The following MITF variants were observed in gnomAD, a reference collection of about 807,000 sequenced individuals.
MITF encodes the protein melanocyte inducing transcription factor, also known as microphthalmia-associated transcription factor.
Under a neutral mutation model 60.5 loss-of-function variants are expected in MITF, and 17 were observed. The ratio of observed to expected loss-of-function variants is 0.28; its 90% CI spans 0.19 to 0.42. The LOEUF is 0.42. Ranked by LOEUF, MITF falls within the 10% of genes least tolerant of loss-of-function variation. MITF has a pLI of 1.00. For missense variants in MITF, 622 were observed against 683.5 expected, an observed-to-expected ratio of 0.91 and a Z score of 1.00; for synonymous variants, 260 against 248.5, an observed-to-expected ratio of 1.05 and a Z score of -0.43.
intron 2 of MITF, among the ~76,000 whole-genome samples, chr3:69,913,991 T>C (rs1215409747): frequency 1.3e-5 from 2 of 152,240 alleles, no homozygotes; most frequent in African/African-American, 2.4e-5. Flanking sequence ...TCAGTAGAAG[T>C]TGTTTTCATG....
chr3:69,802,417 A>G (rs2106955807), intron 1 of MITF, among the ~76,000 whole-genome samples: 1 of 152,268 alleles, frequency 6.6e-6, no homozygotes, highest in Non-Finnish European at 1.5e-5. Context: ...AAGCTATTCC[A>G]TTCCTTCATG....
At chr3:69,839,241 A>G (rs1168644162) in intron 1 of MITF, among the ~76,000 whole-genome samples, 1 of 152,120 alleles carries the variant, frequency 6.6e-6, no homozygotes, top group African/African-American at 2.4e-5. Context: ...CTTGAAAAAA[A>G]AAGTGAAGAT....
At chr3:69,961,108 G>A (rs1173682960) in intron 9 of MITF, among the ~76,000 whole-genome samples, 2 of 152,296 alleles carry the variant, frequency 1.3e-5, no homozygotes, top group Middle Eastern at 3.4e-3. Flanking sequence ...CTTGTGGGCC[G>A]GGCACGTGGC....
intron 1 of MITF, among the ~76,000 whole-genome samples, chr3:69,836,210 A>G (rs1443322520): frequency 6.6e-6 from 1 of 152,024 alleles, no homozygotes; most frequent in Non-Finnish European, 1.5e-5. Context: ...GTTTATTCCT[A>G]TATAGCTTAT....
At chr3:69,814,468 A>G (rs1189067892) in intron 1 of MITF, among the ~76,000 whole-genome samples, 1 of 152,052 alleles carries the variant, frequency 6.6e-6, no homozygotes, top group Non-Finnish European at 1.5e-5. Context: ...AGCTCGAACT[A>G]CAGATGCCCA....
chr3:69,887,374 A>G (rs2064645091), intron 2 of MITF, among the ~76,000 whole-genome samples: 1 of 152,100 alleles, frequency 6.6e-6, no homozygotes, highest in Non-Finnish European at 1.5e-5. Context: ...TGTGTTAAAA[A>G]TATGTAAATC....
At chr3:69,799,903 A>T (rs928486909) in intron 1 of MITF, among the ~76,000 whole-genome samples, 2 of 152,194 alleles carry the variant, frequency 1.3e-5, no homozygotes, top group Non-Finnish European at 2.9e-5. Context: ...AGACATCTAT[A>T]AATTTAGTGT....
intron 1 of MITF, among the ~76,000 whole-genome samples, chr3:69,795,949 G>C (rs1287620194): frequency 6.6e-6 from 1 of 152,078 alleles, no homozygotes; most frequent in African/African-American, 2.4e-5. Context: ...CAAATCCACT[G>C]TTATGAAGCA....
At chr3:69,853,534 G>T (rs1378576074) in intron 1 of MITF, among the ~76,000 whole-genome samples, 1 of 151,900 alleles carries the variant, frequency 6.6e-6, no homozygotes, top group South Asian at 2.1e-4. Flanking sequence ...GAATAACCAT[G>T]TGCCCACCAT....
At chr3:69,868,727 C>T (rs570624196) in intron 1 of MITF, among the ~76,000 whole-genome samples, 5 of 152,012 alleles carry the variant, frequency 3.3e-5, no homozygotes, top group Admixed American at 2.0e-4. Context: ...GATGAAATCC[C>T]GTCTCTACTA....
At chr3:69,926,790 T>A (rs2065601540) in intron 2 of MITF, among the ~76,000 whole-genome samples, 1 of 152,198 alleles carries the variant, frequency 6.6e-6, no homozygotes, top group African/African-American at 2.4e-5. Flanking sequence ...CTGTACAAGC[T>A]TGAATGTTAG....
intron 1 of MITF, among the ~76,000 whole-genome samples, chr3:69,872,014 A>C (rs1051574253): frequency 6.6e-6 from 1 of 152,220 alleles, no homozygotes; most frequent in Admixed American, 6.5e-5. Context: ...CAGAGTAAGC[A>C]AGAATTCTAG....
chr3:69,894,637 GAT>G (rs1172000158), intron 2 of MITF, among the ~76,000 whole-genome samples: 1 of 146,358 alleles, frequency 6.8e-6, no homozygotes, highest in Non-Finnish European at 1.5e-5. Flanking sequence ...AGTGAGCCAA[GAT>G]CATGCCATTG....
chr3:69,902,822 A>T (rs2065021669), intron 2 of MITF, among the ~76,000 whole-genome samples: 1 of 152,096 alleles, frequency 6.6e-6, no homozygotes, highest in Admixed American at 6.6e-5. Context: ...TATTTAGGGA[A>T]GTACCTCTGA....
At chr3:69,804,411 G>A (rs970799095) in intron 1 of MITF, among the ~76,000 whole-genome samples, 1 of 150,828 alleles carries the variant, frequency 6.6e-6, no homozygotes, top group Non-Finnish European at 1.5e-5. Context: ...GCACCCTTTC[G>A]GGGTTGAGGC....
intron 1 of MITF, among the ~76,000 whole-genome samples, chr3:69,798,649 C>T (rs554628360): frequency 3.8e-4 from 58 of 152,350 alleles, no homozygotes; most frequent in African/African-American, 1.3e-3. Flanking sequence ...AACCCTTCCC[C>T]CTCTGTTTCT....
At chr3:69,748,974 G>T (rs891290898) in intron 1 of MITF, among the ~76,000 whole-genome samples, 26 of 152,276 alleles carry the variant, frequency 1.7e-4, no homozygotes, top group South Asian at 2.1e-4. Flanking sequence ...ATTTACTTTG[G>T]TACCTTTACC....
At chr3:69,880,799 A>G (rs1575872333) in intron 2 of MITF, among the ~76,000 whole-genome samples, 1 of 152,180 alleles carries the variant, frequency 6.6e-6, no homozygotes, top group South Asian at 2.1e-4. Flanking sequence ...TAGTAACAAG[A>G]TGTGGAGAAA....
At chr3:69,951,093 CTT>C (rs527693480) in intron 6 of MITF, among the ~76,000 whole-genome samples, 11 of 108,908 alleles carry the variant, frequency 1.0e-4, no homozygotes, top group Non-Finnish European at 1.5e-4. Flanking sequence ...AATTTGGCAG[CTT>C]TTTTTTTTTT....
Sources: allele counts gnomAD v4.1 joint callset (sites outside exome capture counted in the v4.1 genomes callset), GRCh38; gene constraint gnomAD v4.1.1; transcripts MANE v1.5; gene names NCBI Gene and HGNC (gene_info 2026-07-23, HGNC 2026-07-21).